Variants in ITFG1 observed in about 807,000 individuals in gnomAD.
ITFG1 encodes integrin alpha FG-GAP repeat containing 1, also known as T-cell immunomodulatory protein.
A neutral mutation model predicts 81.8 loss-of-function variants in ITFG1; 34 were observed. The ratio of observed to expected loss-of-function variants is 0.42; its 90% confidence interval spans 0.32 to 0.55. ITFG1 has a LOEUF of 0.55. Among genes scored for constraint, ITFG1 ranks in the 20% least tolerant of loss-of-function variants. ITFG1 has a pLI of 0.17. For synonymous variants in ITFG1, 285 were observed against 270.6 expected, an observed-to-expected ratio of 1.05 and a Z score of -0.52; for missense variants, 672 against 755.4, an observed-to-expected ratio of 0.89 and a Z score of 1.29.
chr16:47,193,417 A>T (rs892731491), intron 14 of ITFG1, among the ~76,000 whole-genome samples: 9 of 152,034 alleles, frequency 5.9e-5, no homozygotes, highest in African/African-American at 2.2e-4. Flanking sequence ...CCTATTTTAG[A>T]TTTTTTATTG....
intron 7 of ITFG1, among the ~76,000 whole-genome samples, chr16:47,373,211 C>T (rs1037155937): frequency 1.3e-5 from 2 of 152,148 alleles, no homozygotes; most frequent in Admixed American, 6.5e-5. Context: ...CCTTGCCTGC[C>T]TTTTCCTCTT....
At chr16:47,236,803 C>T (rs1965880655) in intron 13 of ITFG1, among the ~76,000 whole-genome samples, 1 of 152,138 alleles carries the variant, frequency 6.6e-6, no homozygotes, top group African/African-American at 2.4e-5. Context: ...GCTGCAGTGA[C>T]TGTGGTGACG....
chr16:47,172,739 A>T (rs1205869639), intron 14 of ITFG1, among the ~76,000 whole-genome samples: 1 of 152,216 alleles, frequency 6.6e-6, no homozygotes, highest in Non-Finnish European at 1.5e-5. Flanking sequence ...CCTTGGTCCA[A>T]GCCACCACCA....
chr16:47,208,991 T>A (rs1018489411), intron 14 of ITFG1, among the ~76,000 whole-genome samples: 1 of 152,152 alleles, frequency 6.6e-6, no homozygotes, highest in Non-Finnish European at 1.5e-5. Flanking sequence ...TAAATGTTTA[T>A]CATTGTCATC....
intron 6 of ITFG1, among the ~76,000 whole-genome samples, chr16:47,387,232 G>C (rs1040636330): frequency 6.6e-6 from 1 of 152,254 alleles, no homozygotes; most frequent in Admixed American, 6.5e-5. Context: ...AGCCTCTGAG[G>C]AGCAACATCA....
intron 13 of ITFG1, among the ~76,000 whole-genome samples, chr16:47,223,614 G>A (rs907413350): frequency 2.0e-5 from 3 of 152,104 alleles, no homozygotes; most frequent in Non-Finnish European, 4.4e-5. Flanking sequence ...TACACTGTTG[G>A]TGGGACTGTA....
intron 10 of ITFG1, among the ~76,000 whole-genome samples, chr16:47,291,884 T>G (rs1440910043): frequency 6.6e-6 from 1 of 152,224 alleles, no homozygotes; most frequent in Non-Finnish European, 1.5e-5. Flanking sequence ...ATTGTCTACA[T>G]GTATTTTCTT....
chr16:47,176,516 A>T (rs564193578), intron 14 of ITFG1, among the ~76,000 whole-genome samples: 16 of 152,262 alleles, frequency 1.1e-4, no homozygotes, highest in African/African-American at 3.8e-4. Context: ...TTACATAGGG[A>T]CTCTAACCTA....
intron 14 of ITFG1, among the ~76,000 whole-genome samples, chr16:47,185,849 T>G (rs1347234820): frequency 6.6e-6 from 1 of 151,866 alleles, no homozygotes; most frequent in Non-Finnish European, 1.5e-5. Flanking sequence ...TCAACAAAAC[T>G]GATAGACCGC....
intron 5 of ITFG1, among the ~76,000 whole-genome samples, chr16:47,444,784 T>C (rs551132872): frequency 5.9e-5 from 9 of 152,314 alleles, no homozygotes; most frequent in Admixed American, 5.9e-4. Flanking sequence ...ACAATCATTT[T>C]ACCTTCCAAA....
At chr16:47,233,534 G>A (rs982028162) in intron 13 of ITFG1, among the ~76,000 whole-genome samples, 1 of 152,214 alleles carries the variant, frequency 6.6e-6, no homozygotes, top group Admixed American at 6.5e-5. Flanking sequence ...GTTTCCAGCA[G>A]AAGCATGAGA....
intron 8 of ITFG1, among the ~76,000 whole-genome samples, chr16:47,336,027 C>T (rs1368857813): frequency 6.6e-6 from 1 of 152,148 alleles, no homozygotes. Context: ...TACCACTCAG[C>T]AATTAAAAGG....
At chr16:47,310,102 T>C (rs1285498043) in intron 10 of ITFG1, among the ~76,000 whole-genome samples, 9 of 152,212 alleles carry the variant, frequency 5.9e-5, no homozygotes, top group Non-Finnish European at 1.3e-4. Flanking sequence ...ATCATGTCCT[T>C]GGAAAACTCT....
At chr16:47,436,326 T>C (rs1292261451) in intron 5 of ITFG1, among the ~76,000 whole-genome samples, 1 of 152,092 alleles carries the variant, frequency 6.6e-6, no homozygotes, top group Non-Finnish European at 1.5e-5. Context: ...AAAAATAAAG[T>C]TTGCATTTAA....
chr16:47,332,231 G>T (rs1321206534), intron 8 of ITFG1, among the ~76,000 whole-genome samples: 1 of 151,614 alleles, frequency 6.6e-6, no homozygotes, highest in Non-Finnish European at 1.5e-5. Flanking sequence ...AAAAAAGAAG[G>T]GTAGAGGTAG....
chr16:47,264,580 ACACAC>A (rs1966253396), intron 10 of ITFG1, among the ~76,000 whole-genome samples: 4 of 151,790 alleles, frequency 2.6e-5, no homozygotes, highest in African/African-American at 9.7e-5. Context: ...ACACACACAC[ACACAC>A]ACACACAGAG....
At chr16:47,313,869 G>A (rs2058769) in intron 8 of ITFG1, 46 bp from the exon 9 acceptor site, 491,064 of 1,139,748 alleles carry the variant, frequency 0.43, 112,628 homozygotes, top group East Asian at 0.77. Flanking sequence ...ACAAAATAAA[G>A]TGTTCTTGTA....
At chr16:47,181,400 T>TG (rs1271198810) in intron 14 of ITFG1, among the ~76,000 whole-genome samples, 67 of 112,784 alleles carry the variant, frequency 5.9e-4, no homozygotes, top group African/African-American at 2.0e-3. Context: ...GGCAGGGAGA[T>TG]GGGGGGGTCA....
chr16:47,363,419 G>A (rs1402960590), intron 8 of ITFG1, among the ~76,000 whole-genome samples: 1 of 151,634 alleles, frequency 6.6e-6, no homozygotes, highest in African/African-American at 2.4e-5. Flanking sequence ...GCCTAGGCTA[G>A]GGTGCAGTGG....
Sources: allele counts gnomAD v4.1 joint callset (sites outside exome capture counted in the v4.1 genomes callset), GRCh38; gene constraint gnomAD v4.1.1; transcripts MANE v1.5; gene names NCBI Gene and HGNC (gene_info 2026-07-23, HGNC 2026-07-21).